Variants in TNKS observed in about 807,000 individuals in gnomAD.
The protein encoded by TNKS is poly [ADP-ribose] polymerase tankyrase-1.
A neutral mutation model predicts 135.8 loss-of-function variants in TNKS; 72 were observed. That is an observed-to-expected ratio of 0.53 (90% CI 0.44 to 0.64). The LOEUF (loss-of-function observed/expected upper bound fraction) is 0.64. Ranked by LOEUF, TNKS falls within the 30% of genes least tolerant of loss-of-function variation. The pLI is 0.00. For missense variants in TNKS, 1,769 were observed against 1,674.0 expected, an observed-to-expected ratio of 1.06 and a Z score of -0.99; for synonymous variants, 849 against 649.3, an observed-to-expected ratio of 1.31 and a Z score of -4.68.
At chr8:9,715,076 C>G (rs1804538909) in intron 11 of TNKS, among the ~76,000 whole-genome samples, 1 of 152,034 alleles carries the variant, frequency 6.6e-6, no homozygotes, top group Non-Finnish European at 1.5e-5. Flanking sequence ...ATCACAGTGT[C>G]TACAGAGTAC....
At chr8:9,575,354 G>A (rs1321901132) in intron 1 of TNKS, 1 of 982,292 alleles carries the variant, frequency 1.0e-6, no homozygotes, top group African/African-American at 1.7e-5. Context: ...CTAAATTACA[G>A]GTGTGAGCCA....
intron 24 of TNKS, 60 bp downstream of exon 24, chr8:9,765,857 G>A: frequency 7.2e-7 from 1 of 1,384,864 alleles, no homozygotes; most frequent in Admixed American, 1.9e-5. Flanking sequence ...GTCAGTAAAG[G>A]GAAAAACCTA....
At chr8:9,620,611 C>T (rs924157229) in intron 3 of TNKS, among the ~76,000 whole-genome samples, 1 of 152,148 alleles carries the variant, frequency 6.6e-6, no homozygotes, top group Non-Finnish European at 1.5e-5. Flanking sequence ...CTACTGTATT[C>T]TCTCTTGGTC....
chr8:9,673,442 A>G (rs1035590287), intron 3 of TNKS, among the ~76,000 whole-genome samples: 5 of 125,416 alleles, frequency 4.0e-5, no homozygotes, highest in Non-Finnish European at 8.4e-5. Flanking sequence ...TACCTTTTGG[A>G]TTTTTTTTTT....
chr8:9,652,880 C>T (rs1008218392), intron 3 of TNKS, among the ~76,000 whole-genome samples: 7 of 152,044 alleles, frequency 4.6e-5, no homozygotes, highest in African/African-American at 1.4e-4. Flanking sequence ...ACATGAAACT[C>T]AGAGGAAGGT....
intron 5 of TNKS, among the ~76,000 whole-genome samples, chr8:9,703,773 A>C (rs1192267426): frequency 6.6e-6 from 1 of 152,218 alleles, no homozygotes; most frequent in African/African-American, 2.4e-5. Context: ...GAATGCATTA[A>C]AGTATATTAA....
chr8:9,649,004 T>A (rs927455676), intron 3 of TNKS, among the ~76,000 whole-genome samples: 3 of 152,078 alleles, frequency 2.0e-5, no homozygotes, highest in South Asian at 4.1e-4. Flanking sequence ...GTGTCATACA[T>A]AAACAGGATT....
At chr8:9,724,980 GTC>G (rs1434053592) in intron 12 of TNKS, among the ~76,000 whole-genome samples, 4 of 75,234 alleles carry the variant, frequency 5.3e-5, no homozygotes, top group Non-Finnish European at 1.4e-4. Flanking sequence ...ATAAACAATT[GTC>G]TCTTTATTTT....
At chr8:9,697,932 C>G (rs1803595298) in intron 5 of TNKS, among the ~76,000 whole-genome samples, 1 of 151,954 alleles carries the variant, frequency 6.6e-6, no homozygotes. Context: ...ATTATCATAC[C>G]AAAAAGATAC....
intron 5 of TNKS, among the ~76,000 whole-genome samples, chr8:9,696,889 C>T (rs780955893): frequency 6.6e-6 from 1 of 152,146 alleles, no homozygotes; most frequent in Non-Finnish European, 1.5e-5. Context: ...AAGCAGTTTA[C>T]AGGTTCAGTG....
chr8:9,613,893 C>T (rs1341174071), intron 2 of TNKS, among the ~76,000 whole-genome samples: 2 of 152,116 alleles, frequency 1.3e-5, no homozygotes, highest in African/African-American at 2.4e-5. Flanking sequence ...AATGAAAGCT[C>T]CCATCATTTA....
At chr8:9,571,004 A>G (rs1480505820) in intron 1 of TNKS, among the ~76,000 whole-genome samples, 1 of 152,192 alleles carries the variant, frequency 6.6e-6, no homozygotes, top group East Asian at 1.9e-4. Context: ...ACCATTAAAA[A>G]TGGAGGTAGA....
intron 17 of TNKS, among the ~76,000 whole-genome samples, chr8:9,744,853 A>G (rs903579042): frequency 1.3e-5 from 2 of 152,216 alleles, no homozygotes; most frequent in Non-Finnish European, 2.9e-5. Flanking sequence ...AAAATTTCAC[A>G]AGCATGTAGT....
intron 21 of TNKS, 73 bp from the exon 22 acceptor site, chr8:9,763,061 GAATTTTTTTTTTT>G: frequency 1.5e-5 from 8 of 523,430 alleles, no homozygotes; most frequent in Non-Finnish European, 2.4e-5. Context: ...TACTTATTAT[GAATTTTTTTTTTT>G]TTTTTTTTTT....
intron 2 of TNKS, among the ~76,000 whole-genome samples, chr8:9,613,089 G>GA (rs1385364317): frequency 7.2e-5 from 11 of 152,076 alleles, no homozygotes; most frequent in African/African-American, 2.7e-4. Flanking sequence ...AACTTTTACT[G>GA]AAAAAAATCT....
intron 1 of TNKS, among the ~76,000 whole-genome samples, chr8:9,570,251 G>T (rs1797706061): frequency 6.6e-6 from 1 of 152,136 alleles, no homozygotes; most frequent in Non-Finnish European, 1.5e-5. Context: ...ACCAGCCTGG[G>T]CAATAAAGCG....
At chr8:9,765,522 T>TAACA (rs1367118321) in intron 23 of TNKS, among the ~76,000 whole-genome samples, 170 bp from the exon 24 acceptor site, 1 of 152,194 alleles carries the variant, frequency 6.6e-6, no homozygotes, top group Non-Finnish European at 1.5e-5. Context: ...ATTATGTCAC[T>TAACA]AACAGCTAGA....
At chr8:9,572,744 G>T (rs1395123063) in intron 1 of TNKS, among the ~76,000 whole-genome samples, 1 of 152,138 alleles carries the variant, frequency 6.6e-6, no homozygotes, top group Non-Finnish European at 1.5e-5. Context: ...CAAGATACAG[G>T]TGTCATTCGA....
At position 9,752,525 on chromosome 8, in the gene TNKS, T is replaced by A. The variant is rs997659188; in HGVS notation, c.3071-19T>A. The A allele has an allele frequency of 6.3e-7, 1 of 1,586,822 alleles. No homozygotes were observed. The highest frequency in any genetic ancestry group is 8.6e-7 in the Non-Finnish European group (1 of 1,159,238). On this transcript the variant is annotated intron_variant, in intron 19 of 26. Transcript: ENST00000310430. The stretch of plus-strand genomic sequence containing the variant: ...TTAGAGAATTCTTTCTGAGAATCTT[T>A]AATATGTTTCTGTTTTAGTTGCTGG...
Sources: gnomAD v4.1 joint callset for allele counts (sites outside exome capture counted in the v4.1 genomes callset) on GRCh38, gnomAD v4.1.1 for gene constraint, MANE v1.5 for transcripts, NCBI Gene and HGNC (gene_info 2026-07-23, HGNC 2026-07-21) for gene names.